RTL4: variants seen among roughly 807,000 people sequenced by gnomAD.
The protein encoded by RTL4 is retrotransposon Gag-like protein 4.
Under a neutral mutation model 5.3 loss-of-function variants are expected in RTL4, and 4 were observed. That is an observed-to-expected ratio of 0.75 (90% CI 0.37 to 1.72). RTL4 has a LOEUF of 1.72. RTL4 is among the 40% of genes most tolerant of loss of function. The probability of loss-of-function intolerance (pLI) is 0.04; values close to 1 mark genes in which losing one functional copy is unlikely to be tolerated. For missense variants in RTL4, 260 were observed against 227.1 expected (o/e 1.14, Z -0.93); for synonymous variants, 98 against 87.3 (o/e 1.12, Z -0.68).
chrX:112,212,522 C>T, the RTL4 span, among the ~76,000 whole-genome samples: 1 of 112,855 alleles, frequency 8.9e-6, no homozygotes, highest in Non-Finnish European at 1.9e-5. Flanking sequence ...AACATCCTGG[C>T]TTCCCTCAGG....
chrX:112,169,026 C>CTCTT, the RTL4 span, among the ~76,000 whole-genome samples: 2,236 of 49,023 alleles, frequency 0.046, 78 homozygotes, highest in African/African-American at 0.074. Flanking sequence ...CTTTCTCTTT[C>CTCTT]TCTTTCTTTC....
chrX:112,117,874 A>C, the RTL4 span, among the ~76,000 whole-genome samples: 1 of 112,076 alleles, frequency 8.9e-6, no homozygotes, highest in Non-Finnish European at 1.9e-5. Flanking sequence ...TGTGTAATGT[A>C]CAGGTATATT....
the RTL4 span, among the ~76,000 whole-genome samples, chrX:112,212,326 G>A: frequency 9.0e-6 from 1 of 111,475 alleles, no homozygotes; most frequent in Non-Finnish European, 1.9e-5. Context: ...GCAGTGAGCC[G>A]AGACGCGCCA....
At chrX:112,383,405 G>A in the RTL4 span, among the ~76,000 whole-genome samples, 1 of 111,720 alleles carries the variant, frequency 9.0e-6, no homozygotes, top group Non-Finnish European at 1.9e-5. Context: ...TGCATTTTCC[G>A]CTTTATTTAC....
the RTL4 span, among the ~76,000 whole-genome samples, chrX:112,113,657 G>T: frequency 9.0e-6 from 1 of 111,665 alleles, no homozygotes; most frequent in Non-Finnish European, 1.9e-5. Flanking sequence ...CTGGTTGTGG[G>T]CTCCTGGCCC....
the RTL4 span, among the ~76,000 whole-genome samples, chrX:112,208,208 G>A: frequency 4.5e-5 from 5 of 111,927 alleles, no homozygotes. Context: ...TTTGTGTAGA[G>A]AAGATGTTCA....
chrX:112,153,126 T>A, the RTL4 span, among the ~76,000 whole-genome samples: 208 of 112,197 alleles, frequency 1.9e-3, 2 homozygotes, highest in African/African-American at 6.5e-3. Context: ...TCAGAATTGA[T>A]TTTCTTTGAA....
the RTL4 span, among the ~76,000 whole-genome samples, chrX:112,191,838 A>T: frequency 8.9e-6 from 1 of 111,799 alleles, no homozygotes; most frequent in Non-Finnish European, 1.9e-5. Context: ...GTTTGAGAAG[A>T]TTGTTATCTT....
the RTL4 span, among the ~76,000 whole-genome samples, chrX:112,433,248 T>G: frequency 0.01 from 1,096 of 108,292 alleles, 10 homozygotes; most frequent in South Asian, 0.016. Flanking sequence ...CTTTAAAGTA[T>G]TTTTTTCCAA....
At chrX:112,301,828 G>A in the RTL4 span, among the ~76,000 whole-genome samples, 5 of 109,528 alleles carry the variant, frequency 4.6e-5, no homozygotes, top group East Asian at 1.2e-3. Context: ...GCCCATGCCC[G>A]ATGGTCTGAA....
the RTL4 span, among the ~76,000 whole-genome samples, chrX:112,089,812 T>C: frequency 2.7e-5 from 3 of 111,342 alleles, no homozygotes; most frequent in Non-Finnish European, 5.7e-5. Flanking sequence ...AGTGAGTACA[T>C]TGAATCTGTT....
chrX:112,083,872 T>G, the RTL4 span, among the ~76,000 whole-genome samples: 1 of 110,610 alleles, frequency 9.0e-6, no homozygotes, highest in Non-Finnish European at 1.9e-5. Context: ...GGCGCATAGG[T>G]CCACTAGCTG....
At chrX:112,304,063 G>A in the RTL4 span, among the ~76,000 whole-genome samples, 155 of 110,476 alleles carry the variant, frequency 1.4e-3, no homozygotes, top group Non-Finnish European at 2.3e-3. Flanking sequence ...ATATGGTTGG[G>A]TATGGGGCCT....
the RTL4 span, among the ~76,000 whole-genome samples, chrX:112,291,504 GGGTTCATA>G: frequency 9.0e-6 from 1 of 110,536 alleles, no homozygotes; most frequent in Non-Finnish European, 1.9e-5. Context: ...TGTAAAACCG[GGGTTCATA>G]GGTTCATAGG....
chrX:112,181,366 G>GGAGCCAAGTGGTCTAGATCAGC, the RTL4 span, among the ~76,000 whole-genome samples: 7 of 111,585 alleles, frequency 6.3e-5, no homozygotes, highest in Non-Finnish European at 1.3e-4. Flanking sequence ...CTGAAGCCAG[G>GGAGCCAAGTGGTCTAGATCAGC]GAGCCAAGTG....
the RTL4 span, among the ~76,000 whole-genome samples, chrX:112,331,214 A>G: frequency 9.4e-6 from 1 of 106,135 alleles, no homozygotes; most frequent in African/African-American, 3.4e-5. Flanking sequence ...ATCAGAGTGA[A>G]CAGGCAACCT....
At chrX:112,328,372 A>G in the RTL4 span, among the ~76,000 whole-genome samples, 1 of 111,333 alleles carries the variant, frequency 9.0e-6, no homozygotes, top group Non-Finnish European at 1.9e-5. Flanking sequence ...TCTCTGATAA[A>G]ACAGACTTTA....
At chrX:112,221,380 C>A in the RTL4 span, among the ~76,000 whole-genome samples, 1 of 111,452 alleles carries the variant, frequency 9.0e-6, no homozygotes, top group South Asian at 3.9e-4. Flanking sequence ...AAAGCCTTAA[C>A]CTTATCATAA....
chrX:112,236,665 A>G, the RTL4 span, among the ~76,000 whole-genome samples: 3 of 107,046 alleles, frequency 2.8e-5, no homozygotes, highest in Admixed American at 1.0e-4. Flanking sequence ...AACAATCAGT[A>G]GAGACATCAG....
Sources: gnomAD v4.1 joint callset for allele counts (sites outside exome capture counted in the v4.1 genomes callset) on GRCh38, gnomAD v4.1.1 for gene constraint, MANE v1.5 for transcripts, NCBI Gene and HGNC (gene_info 2026-07-23, HGNC 2026-07-21) for gene names.